TMPRSS7: variants seen among roughly 807,000 people sequenced by gnomAD.
TMPRSS7 encodes transmembrane protease serine 7.
In TMPRSS7, 81 loss-of-function variants were observed where a neutral mutation model predicts 95.6. The observed-to-expected ratio is 0.85, with a 90% confidence interval of 0.71 to 1.02. The LOEUF (loss-of-function observed/expected upper bound fraction) is 1.02, where lower values mean the gene tolerates loss of function less well. Among genes scored for constraint, TMPRSS7 ranks in the 50% least tolerant of loss-of-function variants. TMPRSS7 has a pLI of 0.00. For synonymous variants in TMPRSS7, 364 were observed against 337.8 expected, an observed-to-expected ratio of 1.08 and a Z score of -0.85; for missense variants, 945 against 955.2, an observed-to-expected ratio of 0.99 and a Z score of 0.14.
At chr3:112,081,005 G>C (rs774677609) in exon 18 of TMPRSS7, 15 of 1,613,638 alleles carry the variant, frequency 9.3e-6, no homozygotes, top group African/African-American at 2.7e-5. Context: ...GGAAGTGGAC[G>C]ACCAAACTTT....
intron 9 of TMPRSS7, among the ~76,000 whole-genome samples, chr3:112,055,538 T>C (rs1371952129): frequency 1.3e-5 from 2 of 151,762 alleles, no homozygotes; most frequent in Admixed American, 1.3e-4. Context: ...ATACAAGTAA[T>C]GGGTAAAATT....
At chr3:112,078,643 G>A (rs896894016) in intron 16 of TMPRSS7, 99 bp from the exon 17 acceptor site, 2 of 1,476,266 alleles carry the variant, frequency 1.4e-6, no homozygotes, top group African/African-American at 2.8e-5. Context: ...GCCGCTATGA[G>A]GGTAAAAGGA....
intron 17 of TMPRSS7, 39 bp downstream of exon 17, chr3:112,078,917 C>T (rs749974650): frequency 1.2e-6 from 2 of 1,603,816 alleles, no homozygotes; most frequent in East Asian, 2.2e-5. Context: ...ACATGTTGTG[C>T]TTTCCATAAA....
rs773670596 is a variant in TMPRSS7 at position 112,044,300 on chromosome 3, C to T, written c.475C>T (p.Gln159Ter). 7.7e-6 allele frequency: 12 copies of T among 1,551,322 alleles called. No homozygotes were observed. In the South Asian group the frequency reaches 1.4e-4, roughly 18 times the overall value. The change falls in exon 4 of 18, where the codon CAG (glutamine) becomes TAG (stop). Residue 159 changes from glutamine to a stop codon, truncating the protein, a stop_gained. Coordinates refer to ENST00000452346, the Ensembl canonical transcript of TMPRSS7. LOFTEE classifies it high-confidence loss of function. ...ATCTGCCTTCTCCAAATTTTATGAG[C>T]AGTCTGTTGTTGCAGATGTCAGGTA...
At chr3:112,057,276 C>A in intron 10 of TMPRSS7, 145 bp downstream of exon 10, 1 of 607,076 alleles carries the variant, frequency 1.6e-6, no homozygotes, top group Non-Finnish European at 2.9e-6. Flanking sequence ...TTGCTCAAGG[C>A]CATGCAGCTC....
At position 112,075,443 on chromosome 3, in the gene TMPRSS7, A is replaced by T. The variant is rs1263681612; in HGVS notation, c.1906A>T (p.Ile636Phe). 1.3e-6 allele frequency: 2 copies of T among 1,541,644 alleles called. No individual in the cohort carries two copies. The highest frequency in any genetic ancestry group is 1.7e-6 in the Non-Finnish European group (2 of 1,144,134). Reference sequence around the variant, plus strand: ...ATCTGCCTACTGTGGTGCCTCAGTCATCTCCAGGGAGTGGCTTCTTTCTGC... The same window carrying T: ...ATCTGCCTACTGTGGTGCCTCAGTCTTCTCCAGGGAGTGGCTTCTTTCTGC... The change falls in exon 15 of 18, where the codon ATC (isoleucine) becomes TTC (phenylalanine). Residue 636 changes from isoleucine to phenylalanine, a missense_variant. By Grantham distance (21) the Ile-to-Phe change is conservative (BLOSUM62 0). Coordinates refer to ENST00000452346, the Ensembl canonical transcript of TMPRSS7.
chr3:112,060,577 G>A (rs113053707), intron 10 of TMPRSS7, among the ~76,000 whole-genome samples: 1 of 152,176 alleles, frequency 6.6e-6, no homozygotes, highest in African/African-American at 2.4e-5. Flanking sequence ...AAATATGGCT[G>A]TGTTCTGCCT....
Position 112,041,009 on chromosome 3 carries a change from A to T in TMPRSS7, c.299-911A>T, listed in dbSNP as rs139793105. ...TGTTCTGACTGTAGAGTACTTACTG[A>T]TATGAGAAGGATGCGTGAGCTTCTG... On this transcript the variant is annotated intron_variant, in intron 2 of 17. Transcript: ENST00000452346. 1.3e-4 allele frequency among the ~76,000 whole-genome samples: 20 copies of T among 151,602 alleles called. No homozygotes were observed. In the East Asian group the frequency reaches 3.9e-3, roughly 30 times the overall value.
chr3:112,076,956 G>T (rs1224317799), exon 16 of TMPRSS7: 3 of 1,614,222 alleles, frequency 1.9e-6, no homozygotes, highest in Admixed American at 1.7e-5. Flanking sequence ...CCGGTGAGAA[G>T]AATTGTGGTC....
At chr3:112,065,906 A>G (rs1358640778) in intron 12 of TMPRSS7, among the ~76,000 whole-genome samples, 1 of 152,240 alleles carries the variant, frequency 6.6e-6, no homozygotes, top group East Asian at 1.9e-4. Flanking sequence ...AGGGCCACAT[A>G]AACCCAAAGT....
chr3:112,056,839 C>T (rs1483711395), intron 9 of TMPRSS7, among the ~76,000 whole-genome samples, 186 bp from the exon 10 acceptor site: 1 of 152,218 alleles, frequency 6.6e-6, no homozygotes, highest in Non-Finnish European at 1.5e-5. Flanking sequence ...TCCCTGAATA[C>T]ATGGCTGCCT....
chr3:112,040,901 C>G (rs1215101894), intron 2 of TMPRSS7, among the ~76,000 whole-genome samples: 1 of 152,024 alleles, frequency 6.6e-6, no homozygotes. Flanking sequence ...TACGGAGGAT[C>G]TTGTACATTA....
Position 112,038,052 on chromosome 3 carries a change from C to T in TMPRSS7, c.49-20C>T. 1.4e-6 allele frequency: 1 copy of T among 701,222 alleles called. No homozygotes were observed. The highest frequency in any genetic ancestry group is 2.6e-6 in the Non-Finnish European group (1 of 384,322). 43.4% of individuals were successfully genotyped at this position (701,222 alleles called of 1,614,324 possible). On this transcript the variant is annotated intron_variant, in intron 1 of 17. Transcript: ENST00000452346. The stretch of plus-strand genomic sequence containing the variant: ...TGTCTACTTCTACTTGGTAACATAT[C>T]TTATTTCTTTTTTTTGAAGATATCC...
chr3:112,044,310 T>C (rs2073249532), exon 4 of TMPRSS7: 3 of 1,551,382 alleles, frequency 1.9e-6, no homozygotes. Flanking sequence ...CAGTCTGTTG[T>C]TGCAGATGTC....
At chr3:112,061,982 A>G in intron 11 of TMPRSS7, 59 bp downstream of exon 11, 2 of 1,366,360 alleles carry the variant, frequency 1.5e-6, no homozygotes, top group South Asian at 4.0e-5. Flanking sequence ...ATAACATTTT[A>G]TAATTCCAAA....
intron 2 of TMPRSS7, among the ~76,000 whole-genome samples, chr3:112,040,352 G>C (rs141097161): frequency 1.3e-5 from 2 of 152,274 alleles, no homozygotes; most frequent in African/African-American, 4.8e-5. Context: ...TTTTGCTTAA[G>C]TGATTATCTT....
rs145712178 is a variant in TMPRSS7, at chr3:112,046,527, T to C, written c.692-447T>C. On this transcript the variant is annotated intron_variant, in intron 5 of 17. Coordinates refer to ENST00000452346, the Ensembl canonical transcript of TMPRSS7. ...GTGTGTATTTAAAAATATATAAGTA[T>C]ATTATACACACACACATACACTAGG... Among the ~76,000 whole-genome samples the C allele has an allele frequency of 4.5e-3, 686 of 152,276 alleles. 5 individuals are homozygous for C. The highest frequency in any genetic ancestry group is 0.016 in the African/African-American group (655 of 41,554).
rs113893490 is a variant in TMPRSS7, at chr3:112,060,223, C to A, written c.1311-1564C>A. Among the ~76,000 whole-genome samples, 78 of 152,138 alleles carry A rather than the reference C, an allele frequency of 5.1e-4. 1 individual carries two copies. Among genetic ancestry groups the A allele is most frequent in the Non-Finnish European group, 9.0e-4 (61 of 68,012 alleles). ...TATCACAAGGCAAATGGAGGCAGGG[C>A]GAGATCACAGGACCACAGGACCGGG... On this transcript the variant is annotated intron_variant, in intron 10 of 17. Transcript: ENST00000452346.
intron 17 of TMPRSS7, among the ~76,000 whole-genome samples, chr3:112,079,245 C>T (rs2073749655): frequency 6.6e-6 from 1 of 152,128 alleles, no homozygotes; most frequent in Non-Finnish European, 1.5e-5. Context: ...GAAGTATATG[C>T]TGGTGGAAAG....
Sources: allele counts gnomAD v4.1 joint callset (sites outside exome capture counted in the v4.1 genomes callset), GRCh38; gene constraint gnomAD v4.1.1; transcripts MANE v1.5; gene names NCBI Gene and HGNC (gene_info 2026-07-23, HGNC 2026-07-21).